Variants in SYNPR observed in about 807,000 individuals in gnomAD.
SYNPR encodes synaptoporin.
In SYNPR, 23 loss-of-function variants were observed where a neutral mutation model predicts 32.9. The ratio of observed to expected loss-of-function variants is 0.70; its 90% CI spans 0.50 to 0.99. The LOEUF (loss-of-function observed/expected upper bound fraction) is 0.99. SYNPR is among the 50% of genes least tolerant of loss of function. The pLI is 0.00. For synonymous variants in SYNPR, 146 were observed against 135.9 expected (o/e 1.07, Z -0.52); for missense variants, 318 against 349.3 (o/e 0.91, Z 0.71).
intron 2 of SYNPR, among the ~76,000 whole-genome samples, chr3:63,315,847 C>T (rs929808040): frequency 1.3e-5 from 2 of 151,956 alleles, no homozygotes; most frequent in African/African-American, 4.8e-5. Flanking sequence ...TTAACTTTTC[C>T]AAATTCAGTA....
intron 4 of SYNPR, among the ~76,000 whole-genome samples, chr3:63,597,621 A>G (rs1699980524): frequency 6.6e-6 from 1 of 152,150 alleles, no homozygotes; most frequent in South Asian, 2.1e-4. Flanking sequence ...AAACTTCAGA[A>G]AACCTGGGCA....
chr3:63,225,450 C>T (rs1250048507), upstream of SYNPR, among the ~76,000 whole-genome samples: 1 of 152,144 alleles, frequency 6.6e-6, no homozygotes, highest in Non-Finnish European at 1.5e-5. Context: ...CATCTCTTTT[C>T]CAAACCACCC....
intron 2 of SYNPR, among the ~76,000 whole-genome samples, chr3:63,371,122 C>T (rs1043574124): frequency 3.9e-5 from 6 of 152,168 alleles, no homozygotes; most frequent in Middle Eastern, 6.8e-3. Flanking sequence ...GGCATAGAGC[C>T]AGAGGAGGCC....
chr3:63,246,795 T>C (rs1387814827), intron 1 of SYNPR, among the ~76,000 whole-genome samples: 2 of 152,110 alleles, frequency 1.3e-5, no homozygotes, highest in African/African-American at 4.8e-5. Flanking sequence ...GCTTGAGCTT[T>C]GGAATTCAAA....
At chr3:63,598,887 G>C (rs1326059320) in intron 4 of SYNPR, among the ~76,000 whole-genome samples, 1 of 152,140 alleles carries the variant, frequency 6.6e-6, no homozygotes, top group Non-Finnish European at 1.5e-5. Flanking sequence ...ATCTCTTTTA[G>C]ACTGACAGGG....
chr3:63,393,496 C>CTTTTTTTTTTTTTTT (rs71631152), intron 2 of SYNPR, among the ~76,000 whole-genome samples: 14 of 84,510 alleles, frequency 1.7e-4, no homozygotes, highest in Middle Eastern at 9.4e-3. Flanking sequence ...TCTTTCTTCT[C>CTTTTTTTTTTTTTTT]TTTTTTTTTT....
intron 2 of SYNPR, among the ~76,000 whole-genome samples, chr3:63,406,742 CAGA>C (rs1575628068): frequency 6.6e-6 from 1 of 152,228 alleles, no homozygotes; most frequent in East Asian, 1.9e-4. Context: ...ACTGGAGTAA[CAGA>C]AGAAGTCTCT....
intron 3 of SYNPR, among the ~76,000 whole-genome samples, chr3:63,268,000 G>T (rs979788795): frequency 6.6e-6 from 1 of 152,068 alleles, no homozygotes; most frequent in Non-Finnish European, 1.5e-5. Context: ...CTTCAGACAT[G>T]GTTTCACAAA....
intron 2 of SYNPR, among the ~76,000 whole-genome samples, chr3:63,308,802 A>G (rs2086932979): frequency 6.6e-6 from 1 of 151,756 alleles, no homozygotes; most frequent in Non-Finnish European, 1.5e-5. Flanking sequence ...GGTTTTCTTC[A>G]TGTTTATTGT....
chr3:63,496,584 A>G (rs985896367), intron 3 of SYNPR, among the ~76,000 whole-genome samples: 1 of 152,202 alleles, frequency 6.6e-6, no homozygotes, highest in Non-Finnish European at 1.5e-5. Flanking sequence ...TCTCCAAAAG[A>G]CAATTTATAT....
intron 3 of SYNPR, among the ~76,000 whole-genome samples, chr3:63,270,895 CCTTTT>C (rs2086528902): frequency 1.9e-5 from 1 of 53,474 alleles, no homozygotes; most frequent in Non-Finnish European, 4.8e-5. Context: ...TTCCTTCCTT[CCTTTT>C]CTTTCCTTCC....
At chr3:63,334,037 T>C (rs1327321291) in intron 2 of SYNPR, among the ~76,000 whole-genome samples, 2 of 152,212 alleles carry the variant, frequency 1.3e-5, no homozygotes, top group African/African-American at 4.8e-5. Context: ...ACAAGGTGAT[T>C]AATATTTTTT....
chr3:63,450,708 A>G (rs1559502859), intron 2 of SYNPR, among the ~76,000 whole-genome samples: 1 of 152,140 alleles, frequency 6.6e-6, no homozygotes, highest in African/African-American at 2.4e-5. Flanking sequence ...GAAGACTGGT[A>G]GACATGAAAA....
At chr3:63,481,632 C>T (rs1701049060) in intron 3 of SYNPR, among the ~76,000 whole-genome samples, 1 of 152,186 alleles carries the variant, frequency 6.6e-6, no homozygotes, top group Non-Finnish European at 1.5e-5. Flanking sequence ...AGATACTCTC[C>T]TAACTAACTA....
intron 2 of SYNPR, among the ~76,000 whole-genome samples, chr3:63,367,349 A>C (rs1156857082): frequency 1.3e-5 from 2 of 151,438 alleles, no homozygotes; most frequent in African/African-American, 4.9e-5. Flanking sequence ...TGAATTATTT[A>C]TTTATTTATT....
chr3:63,504,849 C>T (rs530138119), intron 3 of SYNPR, among the ~76,000 whole-genome samples: 1 of 151,958 alleles, frequency 6.6e-6, no homozygotes, highest in Non-Finnish European at 1.5e-5. Flanking sequence ...AGACTTATTA[C>T]CCTTAAATGC....
chr3:63,612,925 C>A lies in SYNPR; in HGVS notation c.601-2299C>A, dbSNP rs545175739. ...CTCCTCTCCTCTCCTCTCTTCTCTT[C>A]TCCTCTCTTCTCCTCTCCTTTTCTG... On this transcript the variant is annotated intron_variant, in intron 5 of 5. Coordinates refer to ENST00000478300, the MANE Select transcript of SYNPR (RefSeq NM_001130003.2). 4.4e-5 allele frequency among the ~76,000 whole-genome samples: 6 copies of A among 135,416 alleles called. No individual in the cohort carries two copies. The South Asian group carries it at 1.7e-3, about 38-fold the overall frequency. The allele number at this position is 135,416 out of a possible 152,430, so 88.8% of individuals were successfully genotyped here.
At chr3:63,610,747 T>C (rs1700185716) in intron 5 of SYNPR, among the ~76,000 whole-genome samples, 1 of 152,192 alleles carries the variant, frequency 6.6e-6, no homozygotes, top group South Asian at 2.1e-4. Context: ...AGGACAAAAA[T>C]AAAATTGCTT....
intron 1 of SYNPR, among the ~76,000 whole-genome samples, chr3:63,252,326 TC>T (rs1256759142): frequency 2.6e-5 from 4 of 152,168 alleles, no homozygotes; most frequent in Non-Finnish European, 5.9e-5. Flanking sequence ...TAATAAAATA[TC>T]CTTCTTGTCT....
Sources: allele counts gnomAD v4.1 joint callset (sites outside exome capture counted in the v4.1 genomes callset), GRCh38; gene constraint gnomAD v4.1.1; transcripts MANE v1.5; gene names NCBI Gene and HGNC (gene_info 2026-07-23, HGNC 2026-07-21).